Variants in DDX19B observed in about 807,000 individuals in gnomAD.
DDX19B encodes the protein DEAD-box helicase 19B.
Under a neutral mutation model 58.1 loss-of-function variants are expected in DDX19B, and 27 were observed. The observed-to-expected ratio is 0.46, with a 90% CI of 0.34 to 0.64. The LOEUF (loss-of-function observed/expected upper bound fraction) is 0.64, where lower values mean the gene tolerates loss of function less well. Ranked by LOEUF, DDX19B falls within the 30% of genes least tolerant of loss-of-function variation. The probability of loss-of-function intolerance (pLI) is 0.01; values close to 1 mark genes in which losing one functional copy is unlikely to be tolerated. For missense variants in DDX19B, 399 were observed against 596.5 expected (o/e 0.67, Z 3.45); for synonymous variants, 187 against 214.4 (o/e 0.87, Z 1.12).
chr16:70,311,442 A>T (rs926431535), intron 1 of DDX19B, among the ~76,000 whole-genome samples: 1 of 152,142 alleles, frequency 6.6e-6, no homozygotes, highest in Non-Finnish European at 1.5e-5. Flanking sequence ...CTACATCCAA[A>T]GGCCAAAAAT....
intron 1 of DDX19B, among the ~76,000 whole-genome samples, chr16:70,310,547 G>T (rs923227963): frequency 1.3e-5 from 2 of 151,092 alleles, no homozygotes; most frequent in South Asian, 2.1e-4. Context: ...CTCGTCTGCA[G>T]AAAAAAAAGA....
At chr16:70,294,072 ATTTTTTT>A (rs35683856), upstream of DDX19B, among the ~76,000 whole-genome samples, 4 of 63,100 alleles carry the variant, frequency 6.3e-5, no homozygotes, top group South Asian at 6.6e-4. Flanking sequence ...GAGAGCCTGA[ATTTTTTT>A]TTTTTTTTTT....
At chr16:70,316,155 T>A (rs757604806) in intron 4 of DDX19B, 51 bp downstream of exon 4, 10 of 1,609,172 alleles carry the variant, frequency 6.2e-6, no homozygotes, top group Admixed American at 1.7e-5. Flanking sequence ...GAAATAGAGA[T>A]CCTAGGTCTG....
intron 1 of DDX19B, among the ~76,000 whole-genome samples, chr16:70,305,282 G>T (rs937796785): frequency 2.6e-5 from 4 of 152,176 alleles, no homozygotes; most frequent in Non-Finnish European, 5.9e-5. Context: ...CTAGGTGGAG[G>T]AAAGGGTGAG....
intron 1 of DDX19B, among the ~76,000 whole-genome samples, chr16:70,308,826 T>A (rs565825568): frequency 1.3e-5 from 2 of 151,848 alleles, no homozygotes; most frequent in South Asian, 2.1e-4. Context: ...TTTTTTTTTT[T>A]AAAGTTCTAG....
At chr16:70,295,621 T>G (rs2152179069), upstream of DDX19B, among the ~76,000 whole-genome samples, 1 of 152,238 alleles carries the variant, frequency 6.6e-6, no homozygotes, top group South Asian at 2.1e-4. Flanking sequence ...CAATTGGACC[T>G]TAGTAATTTT....
chr16:70,323,682 C>G (rs556520156), intron 5 of DDX19B, among the ~76,000 whole-genome samples: 31 of 152,140 alleles, frequency 2.0e-4, no homozygotes, highest in African/African-American at 5.8e-4. Context: ...CCTCGGCCTC[C>G]CAAAGTTCTG....
chr16:70,307,862 T>A (rs761419275), intron 1 of DDX19B, among the ~76,000 whole-genome samples: 2 of 151,988 alleles, frequency 1.3e-5, no homozygotes. Context: ...TAGCTGGGAC[T>A]ATGGGCACAT....
chr16:70,320,207 T>A (rs962669440), intron 5 of DDX19B, among the ~76,000 whole-genome samples: 2 of 151,894 alleles, frequency 1.3e-5, no homozygotes, highest in Non-Finnish European at 2.9e-5. Flanking sequence ...CACCTGGACA[T>A]AAGCAATCCT....
intron 1 of DDX19B, among the ~76,000 whole-genome samples, chr16:70,310,833 A>G (rs2152193324): frequency 6.6e-6 from 1 of 151,912 alleles, no homozygotes; most frequent in East Asian, 1.9e-4. Flanking sequence ...GATTGAGAAC[A>G]TCCTGGCTAA....
rs116873214 is a variant in DDX19B at position 70,329,543 on chromosome 16, C to T, written c.785+74C>T. ...TCTTCTCCCTTCACTTCAGATGCCT[C>T]CTCTGGCTTCTGCCTGGGTCTTGGC... is the stretch of plus-strand genomic sequence containing the variant. On this transcript the variant is annotated intron_variant, in intron 8 of 11. Transcript: ENST00000288071. 1.3e-3 allele frequency: 1,999 copies of T among 1,584,886 alleles called. 33 individuals are homozygous for T. In the East Asian group the frequency reaches 0.035, roughly 27 times the overall value.
At chr16:70,330,130 CAGG>C in intron 9 of DDX19B, 62 bp downstream of exon 9, 2 of 1,587,588 alleles carry the variant, frequency 1.3e-6, no homozygotes, top group Non-Finnish European at 8.6e-7. Context: ...CCACAGGGCT[CAGG>C]AGGACTGGAT....
At chr16:70,293,208 G>A (rs1214195699), upstream of DDX19B, among the ~76,000 whole-genome samples, 4 of 152,078 alleles carry the variant, frequency 2.6e-5, no homozygotes, top group African/African-American at 4.8e-5. Context: ...CTTGAGCCCA[G>A]GAGTTTGAGA....
At chr16:70,324,350 G>C (rs1189805116) in intron 5 of DDX19B, among the ~76,000 whole-genome samples, 4 of 109,962 alleles carry the variant, frequency 3.6e-5, no homozygotes, top group African/African-American at 7.4e-5. Context: ...TCAACAGAGT[G>C]AGACCTAATC....
intron 1 of DDX19B, among the ~76,000 whole-genome samples, chr16:70,300,814 G>A (rs762951081): frequency 6.6e-6 from 1 of 152,214 alleles, no homozygotes; most frequent in Non-Finnish European, 1.5e-5. Flanking sequence ...ATAGGCCTGA[G>A]CCACTTTGCC....
upstream of DDX19B, among the ~76,000 whole-genome samples, chr16:70,298,371 A>G (rs1411886769): frequency 6.6e-6 from 1 of 151,990 alleles, no homozygotes; most frequent in Non-Finnish European, 1.5e-5. Context: ...GTGCCACTGC[A>G]CTCCAGCCTG....
At chr16:70,292,387 T>G (rs1281136449), upstream of DDX19B, among the ~76,000 whole-genome samples, 1 of 152,184 alleles carries the variant, frequency 6.6e-6, no homozygotes, top group Non-Finnish European at 1.5e-5. Flanking sequence ...CCTCAGGTGA[T>G]TCGCCTGCCT....
At chr16:70,293,736 C>T (rs1037846555), upstream of DDX19B, among the ~76,000 whole-genome samples, 1 of 150,066 alleles carries the variant, frequency 6.7e-6, no homozygotes, top group Admixed American at 6.6e-5. Flanking sequence ...CTCAGCCTCC[C>T]GAGTAGCTGG....
In DDX19B at chr16:70,299,261, A is replaced by G. The variant is rs776955285; in HGVS notation, c.-37A>G. On this transcript the variant is annotated 5_prime_UTR_variant, in exon 1 of 12. Transcript: ENST00000288071. ...CACGATCCCTCGTGCCATCCCTCGA[A>G]TCCACCAGCACGAGCGTCCCACCCG... 2.6e-6 allele frequency: 4 copies of G among 1,535,212 alleles called. No homozygotes were observed. Among genetic ancestry groups the G allele is most frequent in the East Asian group, 2.4e-5 (1 of 41,652 alleles).
Sources: allele counts gnomAD v4.1 joint callset (sites outside exome capture counted in the v4.1 genomes callset), GRCh38; gene constraint gnomAD v4.1.1; transcripts MANE v1.5; gene names NCBI Gene and HGNC (gene_info 2026-07-23, HGNC 2026-07-21).